The following CCDC38 variants were observed in gnomAD, a reference collection of about 807,000 sequenced individuals.
CCDC38 encodes coiled-coil domain-containing protein 38.
CCDC38 carries 69 observed loss-of-function variants against 72.8 expected under a neutral mutation model. That is an observed-to-expected ratio of 0.95 (90% CI 0.78 to 1.16). The LOEUF is 1.16. CCDC38 is among the 50% of genes most tolerant of loss of function. The probability of loss-of-function intolerance (pLI) is 0.00; values close to 1 mark genes in which losing one functional copy is unlikely to be tolerated. For missense variants in CCDC38, 626 were observed against 638.9 expected (o/e 0.98, Z 0.22); for synonymous variants, 201 against 213.2 (o/e 0.94, Z 0.50).
Position 95,878,195 on chromosome 12 carries a change from G to C in CCDC38, c.1278+16C>G. 6.2e-7 allele frequency: 1 copy of C among 1,611,782 alleles called. No individual in the cohort carries two copies. Among genetic ancestry groups the C allele is most frequent in the Non-Finnish European group, 8.5e-7 (1 of 1,179,318 alleles). ...ATGAGCCAAAATGAAATCACCATAGGCAAAGAGTGATTTACCTGAGCATCT... is the reference window on the plus strand; with the variant it reads ...ATGAGCCAAAATGAAATCACCATAGCCAAAGAGTGATTTACCTGAGCATCT... On this transcript the variant is annotated intron_variant, in intron 13 of 15. Transcript: ENST00000344280.
At chr12:95,911,856 C>A (rs1403689013) in intron 4 of CCDC38, among the ~76,000 whole-genome samples, 2 of 152,164 alleles carry the variant, frequency 1.3e-5, no homozygotes, top group African/African-American at 4.8e-5. Context: ...CCAGCAATCC[C>A]ATTACTGGGT....
intron 4 of CCDC38, among the ~76,000 whole-genome samples, chr12:95,912,867 C>A (rs1290916358): frequency 6.6e-6 from 1 of 152,050 alleles, no homozygotes; most frequent in African/African-American, 2.4e-5. Flanking sequence ...TGAGACCAAC[C>A]TGGACAACAT....
At chr12:95,886,464 C>T (rs1583520) in intron 10 of CCDC38, among the ~76,000 whole-genome samples, 77,219 of 151,882 alleles carry the variant, frequency 0.51, 20,082 homozygotes, top group East Asian at 0.62. Context: ...AATTCATAAC[C>T]CGAAATTCAT....
chr12:95,872,732 G>A (rs1292716330), intron 13 of CCDC38, among the ~76,000 whole-genome samples: 1 of 152,166 alleles, frequency 6.6e-6, no homozygotes, highest in Admixed American at 6.5e-5. Context: ...GCGCCACCAC[G>A]CGCAGCTAAT....
intron 2 of CCDC38, among the ~76,000 whole-genome samples, chr12:95,923,446 A>G (rs7965888): frequency 0.68 from 102,462 of 151,752 alleles, 35,438 homozygotes; most frequent in East Asian, 0.94. Flanking sequence ...ATGAGTAATT[A>G]GTGGGCTGGA....
chr12:95,908,451 G>T (rs1376666388), intron 4 of CCDC38, among the ~76,000 whole-genome samples: 3 of 226 alleles, frequency 0.013, no homozygotes, highest in Non-Finnish European at 0.02. Context: ...GAAAGAGGGA[G>T]AGGGAGAGGG....
intron 4 of CCDC38, among the ~76,000 whole-genome samples, chr12:95,912,885 G>T (rs1304655026): frequency 6.6e-6 from 1 of 151,930 alleles, no homozygotes; most frequent in East Asian, 1.9e-4. Flanking sequence ...CATGGCGAAG[G>T]CTTGTCTCTA....
intron 4 of CCDC38, among the ~76,000 whole-genome samples, chr12:95,907,525 G>A (rs1474382648): frequency 2.5e-5 from 3 of 118,010 alleles, no homozygotes; most frequent in Non-Finnish European, 5.1e-5. Context: ...CAGTAGGGGC[G>A]GCCGGGCAGA....
chr12:95,917,273 T>C lies in CCDC38; in HGVS notation c.160A>G (p.Met54Val), dbSNP rs780650229. 1.3e-6 allele frequency: 2 copies of C among 1,597,848 alleles called. No homozygotes were observed. Among genetic ancestry groups the C allele is most frequent in the East Asian group, 4.5e-5 (2 of 44,138 alleles). The change falls in exon 4 of 16, where the codon ATG becomes GTG. Residue 54 changes from methionine to valine, a missense_variant. Physicochemically the swap from Met to Val is conservative, Grantham distance 21. Transcript: ENST00000344280. The part of the protein sequence containing the change: ...KETEKFMNRN[M>V]KVYQKTTFSS... ...AAAGTAGTTTTCTGGTAGACTTTCA[T>C]GTTACGGTTCATAAATTTTTCCTGC... is the stretch of plus-strand genomic sequence containing the variant.
At chr12:95,929,006 T>C (rs549706640) in intron 2 of CCDC38, among the ~76,000 whole-genome samples, 4 of 152,314 alleles carry the variant, frequency 2.6e-5, no homozygotes, top group African/African-American at 9.6e-5. Context: ...GTCTGTGCCC[T>C]GCCCCCAGAG....
Position 95,894,642 on chromosome 12 carries a change from CAT to C in CCDC38, c.772+345_772+346del, listed in dbSNP as rs530567168. On this transcript the variant is annotated intron_variant, in intron 8 of 15. Coordinates refer to ENST00000344280, the MANE Select transcript of CCDC38 (RefSeq NM_182496.3). ...CCTTGCACCATGTGGTCTCTGTACA[CAT>C]GTTTCCCTTCTGCCATGAGTGGAAG... is the stretch of plus-strand genomic sequence containing the variant. Among the ~76,000 whole-genome samples the C allele has an allele frequency of 2.2e-3, 337 of 152,300 alleles. 1 individual carries two copies. Among genetic ancestry groups the C allele is most frequent in the African/African-American group, 7.0e-3 (291 of 41,538 alleles).
chr12:95,930,007 G>T (rs2080320535), intron 2 of CCDC38, among the ~76,000 whole-genome samples: 1 of 151,580 alleles, frequency 6.6e-6, no homozygotes, highest in African/African-American at 2.4e-5. Flanking sequence ...TTGAATTTAG[G>T]GCCCACCCTA....
Position 95,878,211 on chromosome 12 carries a change from C to A in CCDC38, c.1278G>T (p.Gln426His). The A allele has an allele frequency of 6.2e-7, 1 of 1,612,796 alleles. No individual in the cohort carries two copies. The highest frequency in any genetic ancestry group is 1.1e-5 in the South Asian group (1 of 90,958). ...TCACCATAGGCAAAGAGTGATTTACCTGAGCATCTGAATTAAATTCTCCAA... is the reference window on the plus strand; with the variant it reads ...TCACCATAGGCAAAGAGTGATTTACATGAGCATCTGAATTAAATTCTCCAA... Reference protein sequence around the residue: ...FSFGEFNSDAQEILIDSLSKK... With the variant: ...FSFGEFNSDAHEILIDSLSKK... The change falls in exon 13 of 16, where the codon CAG (glutamine) becomes CAT (histidine). Residue 426 changes from glutamine to histidine, a missense_variant and splice_region_variant. By Grantham distance (24) the Gln-to-His change is conservative. Coordinates refer to ENST00000344280, the MANE Select transcript of CCDC38 (RefSeq NM_182496.3).
intron 14 of CCDC38, 44 bp from the exon 15 acceptor site, chr12:95,869,617 T>A: frequency 7.0e-7 from 1 of 1,421,888 alleles, no homozygotes; most frequent in Non-Finnish European, 9.9e-7. Flanking sequence ...ATAAATCACA[T>A]TGAGTAAGAA....
At chr12:95,933,480 C>A (rs775390089) in intron 2 of CCDC38, 1 of 152,124 alleles carries the variant, frequency 6.6e-6, no homozygotes, top group African/African-American at 2.4e-5. Flanking sequence ...CAAATAAAGA[C>A]CATAATTTCA....
chr12:95,926,033 T>C (rs1449708431), intron 2 of CCDC38, among the ~76,000 whole-genome samples: 1 of 139,714 alleles, frequency 7.2e-6, no homozygotes, highest in Non-Finnish European at 1.5e-5. Flanking sequence ...CCGGCTTTGG[T>C]ATCAGGATGA....
intron 1 of CCDC38, among the ~76,000 whole-genome samples, chr12:95,939,110 G>T (rs1486396333): frequency 6.6e-6 from 1 of 152,168 alleles, no homozygotes; most frequent in African/African-American, 2.4e-5. Flanking sequence ...CTACCTTGTG[G>T]GATTGTTAGG....
intron 10 of CCDC38, 122 bp downstream of exon 10, chr12:95,888,336 A>T: frequency 1.2e-6 from 1 of 834,074 alleles, no homozygotes; most frequent in Non-Finnish European, 2.0e-6. Flanking sequence ...TGGCACCACT[A>T]CTTCCAGGAT....
chr12:95,906,756 G>A (rs2080005987), intron 4 of CCDC38, among the ~76,000 whole-genome samples: 1 of 147,624 alleles, frequency 6.8e-6, no homozygotes, highest in Admixed American at 6.7e-5. Flanking sequence ...CTGAAGTGTA[G>A]AGCTGTCAAA....
Sources: allele counts gnomAD v4.1 joint callset (sites outside exome capture counted in the v4.1 genomes callset), GRCh38; gene constraint gnomAD v4.1.1; transcripts MANE v1.5; gene names NCBI Gene and HGNC (gene_info 2026-07-23, HGNC 2026-07-21).